The following MAF variants were observed in gnomAD, a reference collection of about 807,000 sequenced individuals.
MAF encodes transcription factor Maf.
MAF carries 10 observed loss-of-function variants against 22.0 expected under a neutral mutation model. That is an observed-to-expected ratio of 0.45 (90% CI 0.28 to 0.77). MAF has a LOEUF of 0.77. MAF is among the 30% of genes least tolerant of loss of function. The probability of loss-of-function intolerance (pLI) is 0.12; values close to 1 mark genes in which losing one functional copy is unlikely to be tolerated. For missense variants in MAF, 544 were observed against 548.4 expected, an observed-to-expected ratio of 0.99 and a Z score of 0.08; for synonymous variants, 337 against 255.8, an observed-to-expected ratio of 1.32 and a Z score of -3.03.
chr16:79,409,581 G>A, the MAF span, among the ~76,000 whole-genome samples: 1 of 152,210 alleles, frequency 6.6e-6, no homozygotes, highest in Non-Finnish European at 1.5e-5. Context: ...CCCAGGAGGA[G>A]TGATTTGATT....
chr16:79,582,682 C>T (rs1912594476), downstream of MAF, among the ~76,000 whole-genome samples: 1 of 152,138 alleles, frequency 6.6e-6, no homozygotes, highest in Admixed American at 6.5e-5. Context: ...AGGGTAAATC[C>T]AAATAATAAA....
At chr16:79,215,287 G>A in the MAF span, among the ~76,000 whole-genome samples, 1 of 151,980 alleles carries the variant, frequency 6.6e-6, no homozygotes. Context: ...TTGCTATGTT[G>A]ACCAGGCTAG....
chr16:79,552,053 C>G, the MAF span, among the ~76,000 whole-genome samples: 4 of 152,080 alleles, frequency 2.6e-5, no homozygotes, highest in Non-Finnish European at 4.4e-5. Flanking sequence ...AACTCCTTAG[C>G]TTGGTATAAA....
chr16:79,525,437 G>T, the MAF span, among the ~76,000 whole-genome samples: 39 of 152,174 alleles, frequency 2.6e-4, no homozygotes, highest in Admixed American at 2.6e-3. Flanking sequence ...GACATAGTAT[G>T]TTGAACTTTT....
the MAF span, among the ~76,000 whole-genome samples, chr16:79,280,693 G>A: frequency 6.6e-6 from 1 of 152,286 alleles, no homozygotes; most frequent in Admixed American, 6.5e-5. Context: ...GGTGATGCTA[G>A]ACTTCAGCTG....
chr16:79,597,324 G>C lies in MAF; in HGVS notation c.1118+1461C>G, dbSNP rs529836396. 64 of 1,041,106 alleles carry C rather than the reference G, an allele frequency of 6.1e-5. No individual in the cohort carries two copies. In the African/African-American group the frequency reaches 1.0e-3, roughly 17 times the overall value. The allele number at this position is 1,041,106 out of a possible 1,614,324, so 64.5% of individuals were successfully genotyped here. ...AATTAAATTATATACTAGAAACCCAGAGCATTCCACATTTGACAATGACCA... is the reference window on the plus strand; with the variant it reads ...AATTAAATTATATACTAGAAACCCACAGCATTCCACATTTGACAATGACCA... On this transcript the variant is annotated intron_variant, in intron 1 of 1. Transcript: ENST00000326043.
the MAF span, among the ~76,000 whole-genome samples, chr16:79,401,704 G>T: frequency 6.6e-6 from 1 of 152,148 alleles, no homozygotes; most frequent in African/African-American, 2.4e-5. Context: ...AAATTTTCGG[G>T]CCGTGTGGTA....
At chr16:79,304,847 A>T in the MAF span, among the ~76,000 whole-genome samples, 4,595 of 152,286 alleles carry the variant, frequency 0.03, 241 homozygotes, top group African/African-American at 0.11. Context: ...TTTGTGTTTT[A>T]TCATTTCTTT....
the MAF span, among the ~76,000 whole-genome samples, chr16:79,295,923 G>T: frequency 6.6e-6 from 1 of 152,236 alleles, no homozygotes. Flanking sequence ...GCATTCTGCT[G>T]TTGGGCTCTG....
At chr16:79,230,498 G>A in the MAF span, among the ~76,000 whole-genome samples, 2 of 152,142 alleles carry the variant, frequency 1.3e-5, no homozygotes, top group East Asian at 1.9e-4. Flanking sequence ...CATTGATTTC[G>A]AAGAATGTTT....
At chr16:79,452,515 A>G in the MAF span, among the ~76,000 whole-genome samples, 2 of 152,236 alleles carry the variant, frequency 1.3e-5, no homozygotes, top group African/African-American at 4.8e-5. Flanking sequence ...TTTTTAAAAA[A>G]GAGTTTGCAA....
chr16:79,310,460 C>T, the MAF span, among the ~76,000 whole-genome samples: 1 of 152,276 alleles, frequency 6.6e-6, no homozygotes, highest in East Asian at 1.9e-4. Context: ...ACCAGGCCAA[C>T]TTGAAACGCC....
At chr16:79,362,847 A>G in the MAF span, among the ~76,000 whole-genome samples, 4 of 152,268 alleles carry the variant, frequency 2.6e-5, no homozygotes, top group African/African-American at 9.6e-5. Flanking sequence ...ACAAAAGAGA[A>G]TAGTAAGAAA....
At chr16:79,331,537 A>G in the MAF span, among the ~76,000 whole-genome samples, 1 of 152,180 alleles carries the variant, frequency 6.6e-6, no homozygotes, top group African/African-American at 2.4e-5. Flanking sequence ...GAAGGTTTCC[A>G]AGACATCCAC....
the MAF span, among the ~76,000 whole-genome samples, chr16:79,511,183 C>G: frequency 6.6e-6 from 1 of 152,120 alleles, no homozygotes; most frequent in South Asian, 2.1e-4. Flanking sequence ...CCTTTTCTCT[C>G]CAAACCTTCT....
the MAF span, among the ~76,000 whole-genome samples, chr16:79,500,651 T>C: frequency 1.3e-5 from 2 of 152,158 alleles, no homozygotes; most frequent in African/African-American, 4.8e-5. Flanking sequence ...AATCTCTCCA[T>C]GGCTCAGAGT....
the MAF span, among the ~76,000 whole-genome samples, chr16:79,456,243 C>T: frequency 6.6e-6 from 1 of 152,136 alleles, no homozygotes; most frequent in Admixed American, 6.6e-5. Context: ...AGAAAACTTC[C>T]CCACAGGATT....
At chr16:79,283,952 C>A in the MAF span, among the ~76,000 whole-genome samples, 3 of 134,316 alleles carry the variant, frequency 2.2e-5, no homozygotes, top group Admixed American at 8.2e-5. Context: ...TAATCTACCC[C>A]CTGCACCTCC....
Position 79,594,157 on chromosome 16 carries a change from A to G in MAF, c.*303T>C. On this transcript the variant is annotated 3_prime_UTR_variant, in exon 2 of 2. Transcript: ENST00000326043. ...GGGAAACTTTCCATTATATATATGC[A>G]TATATATGTATCTTTGTAATTTCAG... 2.5e-6 allele frequency: 1 copy of G among 396,308 alleles called. No individual in the cohort carries two copies. The highest frequency in any genetic ancestry group is 4.0e-5 in the East Asian group (1 of 24,734). The allele number at this position is 396,308 out of a possible 1,614,324, so 24.5% of individuals were successfully genotyped here. A position where few individuals can be genotyped will look rare whatever the true frequency, so the allele number is the denominator to read the frequency against.
Sources: allele counts gnomAD v4.1 joint callset (sites outside exome capture counted in the v4.1 genomes callset), GRCh38; gene constraint gnomAD v4.1.1; transcripts MANE v1.5; gene names NCBI Gene and HGNC (gene_info 2026-07-23, HGNC 2026-07-21).